The following DLGAP4 variants were observed in gnomAD, a reference collection of about 807,000 sequenced individuals.
DLGAP4 encodes the protein DLG associated protein 4.
In DLGAP4, 18 loss-of-function variants were observed where a neutral mutation model predicts 86.9. That is an observed-to-expected ratio of 0.21 (90% CI 0.14 to 0.31). The LOEUF is 0.31. Ranked by LOEUF, DLGAP4 falls within the 10% of genes least tolerant of loss-of-function variation. The probability of loss-of-function intolerance (pLI) is 1.00; values close to 1 mark genes in which losing one functional copy is unlikely to be tolerated. For missense variants in DLGAP4, 1,085 were observed against 1,362.6 expected (o/e 0.80, Z 3.21); for synonymous variants, 548 against 574.3 (o/e 0.95, Z 0.65).
chr20:36,447,054 C>G (rs2033611557), intron 7 of DLGAP4, 117 bp downstream of exon 7: 1 of 1,455,634 alleles, frequency 6.9e-7, no homozygotes, highest in Admixed American at 2.9e-5. Context: ...CTGGCCCGCA[C>G]CAGGGGGATG....
chr20:36,345,084 C>T (rs1194491308), intron 1 of DLGAP4, among the ~76,000 whole-genome samples: 2 of 152,196 alleles, frequency 1.3e-5, no homozygotes, highest in Non-Finnish European at 2.9e-5. Flanking sequence ...CTCTGTTTTC[C>T]CTCCAGCCCA....
At chr20:36,503,589 G>A (rs2036239737) in intron 10 of DLGAP4, among the ~76,000 whole-genome samples, 1 of 142,038 alleles carries the variant, frequency 7.0e-6, no homozygotes, top group South Asian at 2.3e-4. Flanking sequence ...CTAGGTTCAC[G>A]CCATTCTCCT....
chr20:36,503,153 G>A (rs1445220123), intron 10 of DLGAP4, among the ~76,000 whole-genome samples: 1 of 152,130 alleles, frequency 6.6e-6, no homozygotes, highest in Non-Finnish European at 1.5e-5. Flanking sequence ...TCTTCCTCAT[G>A]TTTTTTGTTG....
intron 2 of DLGAP4, among the ~76,000 whole-genome samples, chr20:36,378,716 G>A (rs1049901928): frequency 1.3e-5 from 2 of 152,022 alleles, no homozygotes; most frequent in South Asian, 2.1e-4. Flanking sequence ...GGGCGAAAGG[G>A]AAGAGGAAGG....
At chr20:36,509,460 A>G (rs58263289) in intron 10 of DLGAP4, among the ~76,000 whole-genome samples, 140 of 151,942 alleles carry the variant, frequency 9.2e-4, no homozygotes, top group Non-Finnish European at 1.7e-3. Flanking sequence ...AATCCCAGCT[A>G]CTCGGGAGGC....
At chr20:36,445,644 A>G (rs2033573239) in intron 6 of DLGAP4, among the ~76,000 whole-genome samples, 1 of 152,226 alleles carries the variant, frequency 6.6e-6, no homozygotes, top group African/African-American at 2.4e-5. Context: ...AAACTGACCC[A>G]GAGAAGATAG....
At chr20:36,444,418 G>A (rs2033536045) in intron 6 of DLGAP4, among the ~76,000 whole-genome samples, 1 of 152,028 alleles carries the variant, frequency 6.6e-6, no homozygotes, top group Admixed American at 6.6e-5. Flanking sequence ...CGAGTAGCTG[G>A]GACTACAGGC....
At position 36,436,093 on chromosome 20, in the gene DLGAP4, T is replaced by C; in HGVS notation, c.1000-16T>C. 6.4e-7 allele frequency: 1 copy of C among 1,560,676 alleles called. No individual in the cohort carries two copies. Among genetic ancestry groups the C allele is most frequent in the Non-Finnish European group, 8.6e-7 (1 of 1,161,274 alleles). On this transcript the variant is annotated splice_polypyrimidine_tract_variant and intron_variant, in intron 3 of 12. Coordinates refer to ENST00000339266, the MANE Select transcript of DLGAP4 (RefSeq NM_001365621.2). ...TTTCTGCGGTGGCCCCACTGAGTCC[T>C]GTGCCCCATCCCCAGGTGCCCGGCG... is the stretch of plus-strand genomic sequence containing the variant.
chr20:36,461,294 C>T, intron 7 of DLGAP4: 2 of 200,316 alleles, frequency 1.0e-5, no homozygotes, highest in Non-Finnish European at 1.7e-5. Context: ...CCGGACGCGG[C>T]GGCCCGCGCG....
In DLGAP4 at chr20:36,446,868, A is replaced by G. The variant is rs1569502650; in HGVS notation, c.1579A>G (p.Ser527Gly). 1.9e-6 allele frequency: 3 copies of G among 1,613,328 alleles called. No homozygotes were observed. Among genetic ancestry groups the G allele is most frequent in the Non-Finnish European group, 1.7e-6 (2 of 1,179,950 alleles). The change falls in exon 7 of 13, where the codon AGT becomes GGT. Residue 527 changes from serine to glycine, a missense_variant. Ser to Gly is a moderately conservative substitution (Grantham distance 56). Transcript: ENST00000339266. ...IQAGCSQEEDSVSLQSLSPPP... is the reference protein window; with the variant it reads ...IQAGCSQEEDGVSLQSLSPPP... ...GGCAGGCTGCTCGCAGGAGGAGGAC[A>G]GTGTCTCCCTGCAGTCCCTCTCCCC...
chr20:36,511,377 A>AT (rs1206562533), intron 10 of DLGAP4, among the ~76,000 whole-genome samples: 3 of 151,564 alleles, frequency 2.0e-5, no homozygotes, highest in Non-Finnish European at 2.9e-5. Context: ...TAACTTTGAG[A>AT]TTTTTTTGTA....
At chr20:36,374,002 A>C (rs2031047695) in intron 2 of DLGAP4, among the ~76,000 whole-genome samples, 1 of 142,474 alleles carries the variant, frequency 7.0e-6, no homozygotes. Flanking sequence ...GTGCCACTGC[A>C]CTCCAGCCTG....
chr20:36,491,372 C>G (rs2035655251), intron 7 of DLGAP4, among the ~76,000 whole-genome samples: 1 of 152,066 alleles, frequency 6.6e-6, no homozygotes, highest in African/African-American at 2.4e-5. Flanking sequence ...GAGCAGGCTG[C>G]ACGGAGGATG....
intron 2 of DLGAP4, among the ~76,000 whole-genome samples, chr20:36,381,194 T>C (rs530840482): frequency 1.3e-5 from 2 of 152,232 alleles, no homozygotes; most frequent in South Asian, 4.1e-4. Flanking sequence ...CAAGCAAGCA[T>C]ATATTGTGTT....
intron 1 of DLGAP4, among the ~76,000 whole-genome samples, chr20:36,307,042 C>T (rs1325925629): frequency 1.3e-5 from 2 of 152,152 alleles, no homozygotes; most frequent in Non-Finnish European, 2.9e-5. Flanking sequence ...TCGGTAGACC[C>T]GGGAGCCGCC....
chr20:36,331,789 G>A (rs757762313), intron 1 of DLGAP4, among the ~76,000 whole-genome samples: 1 of 152,180 alleles, frequency 6.6e-6, no homozygotes, highest in African/African-American at 2.4e-5. Context: ...AGAGCAGCAG[G>A]GTGACAGGTG....
Position 36,436,361 on chromosome 20 carries a change from A to G in DLGAP4, c.1241+11A>G. ...GAGCAACCCCCGCAGGTAGGCGCGC[A>G]GCTCCACCCTTACGGTCCCGCCCAG... On this transcript the variant is annotated intron_variant, in intron 4 of 12. Coordinates refer to ENST00000339266, the MANE Select transcript of DLGAP4 (RefSeq NM_001365621.2). 6.3e-7 allele frequency: 1 copy of G among 1,585,150 alleles called. No individual in the cohort carries two copies. Among genetic ancestry groups the G allele is most frequent in the Non-Finnish European group, 8.6e-7 (1 of 1,169,326 alleles).
chr20:36,482,831 C>T (rs1177733686), intron 7 of DLGAP4, among the ~76,000 whole-genome samples: 1 of 151,956 alleles, frequency 6.6e-6, no homozygotes, highest in Non-Finnish European at 1.5e-5. Context: ...GATACCATGC[C>T]CGGCTAATTT....
chr20:36,332,534 C>A (rs1017836679), intron 1 of DLGAP4, among the ~76,000 whole-genome samples: 8 of 151,948 alleles, frequency 5.3e-5, no homozygotes, highest in Non-Finnish European at 2.9e-5. Context: ...GGACTACAGG[C>A]GCCCGCCACT....
Sources: allele counts gnomAD v4.1 joint callset (sites outside exome capture counted in the v4.1 genomes callset), GRCh38; gene constraint gnomAD v4.1.1; transcripts MANE v1.5; gene names NCBI Gene and HGNC (gene_info 2026-07-23, HGNC 2026-07-21).